PPARGC1A: variants seen among roughly 807,000 people sequenced by gnomAD.
PPARGC1A encodes the protein PPARG coactivator 1 alpha, also known as peroxisome proliferator-activated receptor gamma coactivator 1-alpha.
Under a neutral mutation model 88.7 loss-of-function variants are expected in PPARGC1A, and 25 were observed. That is an observed-to-expected ratio of 0.28 (90% CI 0.21 to 0.39). The LOEUF is 0.39. PPARGC1A is among the 10% of genes least tolerant of loss of function. The probability of loss-of-function intolerance (pLI) is 1.00; values close to 1 mark genes in which losing one functional copy is unlikely to be tolerated. For missense variants in PPARGC1A, 880 were observed against 968.7 expected, an observed-to-expected ratio of 0.91 and a Z score of 1.22; for synonymous variants, 363 against 355.6, an observed-to-expected ratio of 1.02 and a Z score of -0.24.
chr4:24,107,807 C>T, the PPARGC1A span, among the ~76,000 whole-genome samples: 1 of 152,184 alleles, frequency 6.6e-6, no homozygotes, highest in African/African-American at 2.4e-5. Flanking sequence ...GGATGATTGG[C>T]TTCAAGCCTT....
chr4:23,801,610 A>C (rs1718755109), intron 12 of PPARGC1A, 120 bp downstream of exon 12: 1 of 1,138,888 alleles, frequency 8.8e-7, no homozygotes, highest in East Asian at 2.5e-5. Flanking sequence ...ATCTGTATTC[A>C]AACATTCCCT....
chr4:24,045,980 C>A, the PPARGC1A span, among the ~76,000 whole-genome samples: 22 of 152,250 alleles, frequency 1.4e-4, no homozygotes, highest in African/African-American at 5.3e-4. Flanking sequence ...AGTTCAGGTG[C>A]CAAACACAAT....
At chr4:23,885,191 T>C (rs1286298148) in intron 1 of PPARGC1A, among the ~76,000 whole-genome samples, 2 of 152,230 alleles carry the variant, frequency 1.3e-5, no homozygotes, top group Non-Finnish European at 2.9e-5. Flanking sequence ...AAGCTTTCTC[T>C]GATTCTTCCA....
chr4:24,062,021 A>G, the PPARGC1A span, among the ~76,000 whole-genome samples: 2 of 152,220 alleles, frequency 1.3e-5, no homozygotes, highest in African/African-American at 4.8e-5. Flanking sequence ...CAGGACCCAG[A>G]ACCCAAGCAA....
chr4:23,845,635 A>G (rs559324304), intron 2 of PPARGC1A, among the ~76,000 whole-genome samples: 22 of 152,248 alleles, frequency 1.4e-4, no homozygotes, highest in Middle Eastern at 3.4e-3. Context: ...TCCTTTCTCC[A>G]AGAAACTAGG....
At chr4:24,096,414 CA>C in the PPARGC1A span, among the ~76,000 whole-genome samples, 1 of 152,202 alleles carries the variant, frequency 6.6e-6, no homozygotes, top group Non-Finnish European at 1.5e-5. Flanking sequence ...ACTCGGTCAA[CA>C]AACCATGATC....
At chr4:24,378,936 G>A in the PPARGC1A span, among the ~76,000 whole-genome samples, 1 of 152,112 alleles carries the variant, frequency 6.6e-6, no homozygotes, top group African/African-American at 2.4e-5. Context: ...GGTTAATGGA[G>A]TTTTATTATA....
intron 7 of PPARGC1A, among the ~76,000 whole-genome samples, chr4:23,818,039 G>C (rs957945001): frequency 6.6e-6 from 1 of 152,142 alleles, no homozygotes; most frequent in African/African-American, 2.4e-5. Context: ...GGAGGTCAGT[G>C]CTCAATCCCT....
At chr4:23,904,858 T>A (rs1423668220), upstream of PPARGC1A, among the ~76,000 whole-genome samples, 1 of 152,204 alleles carries the variant, frequency 6.6e-6, no homozygotes, top group Admixed American at 6.5e-5. Flanking sequence ...TAATTCAGCT[T>A]CTATTTCCCT....
the PPARGC1A span, among the ~76,000 whole-genome samples, chr4:23,972,144 A>T: frequency 6.6e-6 from 1 of 152,198 alleles, no homozygotes; most frequent in South Asian, 2.1e-4. Context: ...AAAGAAATAA[A>T]ATAAAATTTG....
chr4:23,870,451 G>A lies in PPARGC1A; in HGVS notation c.234+14301C>T, dbSNP rs116980515. Among the ~76,000 whole-genome samples, 11 of 152,278 alleles carry A rather than the reference G, an allele frequency of 7.2e-5. No homozygotes were observed. The East Asian group carries it at 1.9e-3, about 27-fold the overall frequency. On this transcript the variant is annotated intron_variant, in intron 2 of 12. Transcript: ENST00000264867. ...TTTCAGGGTTTGTCAACTTTCTGTA[G>A]TTTGTAGTCTTGTCTCTTTTGGTCA...
the PPARGC1A span, among the ~76,000 whole-genome samples, chr4:24,382,580 C>T: frequency 2.0e-5 from 3 of 152,166 alleles, no homozygotes; most frequent in Admixed American, 1.3e-4. Context: ...TCTGTAGGCT[C>T]GGAAGCCCTG....
chr4:24,323,103 G>A, the PPARGC1A span, among the ~76,000 whole-genome samples: 543 of 152,230 alleles, frequency 3.6e-3, 6 homozygotes, highest in African/African-American at 0.013. Flanking sequence ...AGATCATTTG[G>A]GAAGGAAGAA....
the PPARGC1A span, among the ~76,000 whole-genome samples, chr4:24,020,669 T>C: frequency 6.6e-6 from 1 of 151,292 alleles, no homozygotes; most frequent in Non-Finnish European, 1.5e-5. Flanking sequence ...TCCTGGGGAG[T>C]GGGGAGTGGG....
chr4:24,112,917 G>A, the PPARGC1A span, among the ~76,000 whole-genome samples: 1 of 152,164 alleles, frequency 6.6e-6, no homozygotes, highest in Non-Finnish European at 1.5e-5. Flanking sequence ...CGGGCCAAGA[G>A]AAGCTGTCAA....
At chr4:24,038,135 T>C in the PPARGC1A span, among the ~76,000 whole-genome samples, 2 of 152,298 alleles carry the variant, frequency 1.3e-5, no homozygotes, top group Admixed American at 6.5e-5. Flanking sequence ...GTAAACAACC[T>C]GCCCAAATAT....
intron 12 of PPARGC1A, among the ~76,000 whole-genome samples, chr4:23,800,562 T>C (rs1026696616): frequency 7.3e-5 from 11 of 151,150 alleles, no homozygotes; most frequent in Non-Finnish European, 1.3e-4. Context: ...CACGAATTTA[T>C]ATATTAATTG....
chr4:23,868,855 C>T (rs1380415592), intron 2 of PPARGC1A, among the ~76,000 whole-genome samples: 5 of 152,218 alleles, frequency 3.3e-5, no homozygotes, highest in East Asian at 1.9e-4. Flanking sequence ...AGTTTCCTTT[C>T]AGTTCTCATT....
the PPARGC1A span, among the ~76,000 whole-genome samples, chr4:24,076,604 G>T: frequency 6.6e-6 from 1 of 152,108 alleles, no homozygotes; most frequent in South Asian, 2.1e-4. Context: ...AAGCCTGGGG[G>T]GCTGGACAGC....
Sources: allele counts gnomAD v4.1 joint callset (sites outside exome capture counted in the v4.1 genomes callset), GRCh38; gene constraint gnomAD v4.1.1; transcripts MANE v1.5; gene names NCBI Gene and HGNC (gene_info 2026-07-23, HGNC 2026-07-21).